IQCJ: variants seen among roughly 807,000 people sequenced by gnomAD.
IQCJ encodes IQ motif containing J.
Under a neutral mutation model 11.0 loss-of-function variants are expected in IQCJ, and 9 were observed. The observed-to-expected ratio is 0.82, with a 90% CI of 0.49 to 1.43. The LOEUF is 1.43. Among genes scored for constraint, IQCJ ranks in the 40% most tolerant of loss-of-function variants. The pLI is 0.00. For missense variants in IQCJ, 146 were observed against 133.2 expected, an observed-to-expected ratio of 1.10 and a Z score of -0.47; for synonymous variants, 55 against 51.3, an observed-to-expected ratio of 1.07 and a Z score of -0.31.
intron 1 of IQCJ, among the ~76,000 whole-genome samples, chr3:159,172,513 CAT>C (rs1320383962): frequency 6.6e-6 from 1 of 151,418 alleles, no homozygotes; most frequent in East Asian, 1.9e-4. Context: ...TGATATATAA[CAT>C]ATATATATAG....
chr3:159,258,819 G>C (rs1298417993), intron 3 of IQCJ, among the ~76,000 whole-genome samples: 1 of 152,152 alleles, frequency 6.6e-6, no homozygotes, highest in East Asian at 1.9e-4. Flanking sequence ...TGCCCAGTCT[G>C]TGCCCCACTG....
At chr3:159,153,764 A>G (rs1053398660) in intron 1 of IQCJ, among the ~76,000 whole-genome samples, 4 of 152,190 alleles carry the variant, frequency 2.6e-5, no homozygotes, top group African/African-American at 9.7e-5. Context: ...CATAGGTTCT[A>G]CCAATCAGAT....
intron 1 of IQCJ, among the ~76,000 whole-genome samples, chr3:159,232,451 C>CTTTTT (rs35423818): frequency 4.8e-3 from 401 of 83,614 alleles, no homozygotes; most frequent in Middle Eastern, 0.015. Context: ...GAGAGACTTT[C>CTTTTT]TTTTTTTTTT....
chr3:159,208,123 A>G (rs1724759279), intron 1 of IQCJ, among the ~76,000 whole-genome samples: 1 of 152,216 alleles, frequency 6.6e-6, no homozygotes, highest in Non-Finnish European at 1.5e-5. Flanking sequence ...AAGTCCAGAG[A>G]CCTTTCAGTG....
At chr3:159,242,671 C>T (rs1257993761) in intron 1 of IQCJ, among the ~76,000 whole-genome samples, 4 of 150,850 alleles carry the variant, frequency 2.7e-5, no homozygotes, top group East Asian at 3.9e-4. Context: ...GATCTCAATT[C>T]TTACCACACA....
intron 1 of IQCJ, among the ~76,000 whole-genome samples, chr3:159,138,433 G>A (rs9834630): frequency 0.68 from 103,102 of 152,064 alleles, 35,065 homozygotes; most frequent in Non-Finnish European, 0.71. Context: ...GACTTATCCA[G>A]GAGTTCATGG....
At chr3:159,240,889 G>A (rs982990832) in intron 1 of IQCJ, among the ~76,000 whole-genome samples, 6 of 151,794 alleles carry the variant, frequency 4.0e-5, no homozygotes, top group African/African-American at 1.5e-4. Context: ...CACCGCACCC[G>A]GCCCCGTCAG....
intron 1 of IQCJ, among the ~76,000 whole-genome samples, chr3:159,135,213 G>A (rs1200322401): frequency 6.6e-6 from 1 of 152,098 alleles, no homozygotes; most frequent in Non-Finnish European, 1.5e-5. Context: ...GGCTTACTTG[G>A]TATCTACCTC....
chr3:159,258,408 T>A (rs9827400), intron 3 of IQCJ, among the ~76,000 whole-genome samples: 22,049 of 152,178 alleles, frequency 0.14, 1,817 homozygotes, highest in Middle Eastern at 0.21. Flanking sequence ...GTAGGATCTG[T>A]TTCATCCAAA....
At chr3:159,223,251 T>C (rs186020380) in intron 1 of IQCJ, among the ~76,000 whole-genome samples, 1 of 152,102 alleles carries the variant, frequency 6.6e-6, no homozygotes, top group Non-Finnish European at 1.5e-5. Flanking sequence ...ATTCAATATA[T>C]ACTCACTAAA....
intron 1 of IQCJ, among the ~76,000 whole-genome samples, chr3:159,089,952 G>C (rs1047172445): frequency 2.0e-5 from 3 of 151,888 alleles, no homozygotes; most frequent in African/African-American, 7.3e-5. Context: ...GCTTTGTTCT[G>C]TTGCTGTTGA....
intron 1 of IQCJ, among the ~76,000 whole-genome samples, chr3:159,143,511 T>C: frequency 6.6e-6 from 1 of 152,190 alleles, no homozygotes; most frequent in Non-Finnish European, 1.5e-5. Flanking sequence ...AAAAGCTCCA[T>C]GGACGCTGTA....
chr3:159,122,408 G>A (rs771471431), intron 1 of IQCJ, among the ~76,000 whole-genome samples: 2 of 152,142 alleles, frequency 1.3e-5, no homozygotes, highest in African/African-American at 4.8e-5. Flanking sequence ...AAGGGAAGAC[G>A]TATCTCTTTT....
intron 1 of IQCJ, among the ~76,000 whole-genome samples, chr3:159,126,317 GAAC>G (rs755628787): frequency 1.3e-5 from 2 of 152,170 alleles, no homozygotes; most frequent in Non-Finnish European, 2.9e-5. Flanking sequence ...GGGCTGTGAA[GAAC>G]AACAGAGAAA....
At chr3:159,226,897 A>C (rs1368039172) in intron 1 of IQCJ, among the ~76,000 whole-genome samples, 1 of 152,128 alleles carries the variant, frequency 6.6e-6, no homozygotes, top group African/African-American at 2.4e-5. Flanking sequence ...TAAGTGTTTT[A>C]TGTTGGATTG....
intron 1 of IQCJ, among the ~76,000 whole-genome samples, chr3:159,186,796 C>G (rs1723396751): frequency 6.6e-6 from 1 of 152,228 alleles, no homozygotes; most frequent in Non-Finnish European, 1.5e-5. Flanking sequence ...TCAATCTGAA[C>G]TAGCAGGTCT....
At chr3:159,157,858 A>T (rs1721615316) in intron 1 of IQCJ, among the ~76,000 whole-genome samples, 1 of 152,202 alleles carries the variant, frequency 6.6e-6, no homozygotes, top group Non-Finnish European at 1.5e-5. Flanking sequence ...TCTTAAAAAC[A>T]CTTCAGTGCA....
chr3:159,108,536 T>C (rs1718414166), intron 1 of IQCJ, among the ~76,000 whole-genome samples: 1 of 152,236 alleles, frequency 6.6e-6, no homozygotes, highest in Non-Finnish European at 1.5e-5. Flanking sequence ...TTTTGGTTTG[T>C]TTGTAAAAAT....
chr3:159,127,618 G>T (rs1719749816), intron 1 of IQCJ, among the ~76,000 whole-genome samples: 2 of 152,198 alleles, frequency 1.3e-5, no homozygotes, highest in South Asian at 4.1e-4. Context: ...TAAGGCTCTA[G>T]AAATGACTGT....
Sources: gnomAD v4.1 joint callset for allele counts (sites outside exome capture counted in the v4.1 genomes callset) on GRCh38, gnomAD v4.1.1 for gene constraint, MANE v1.5 for transcripts, NCBI Gene and HGNC (gene_info 2026-07-23, HGNC 2026-07-21) for gene names.